The following CCDC57 variants were observed in gnomAD, a reference collection of about 807,000 sequenced individuals.
The protein encoded by CCDC57 is coiled-coil domain-containing protein 57.
A neutral mutation model predicts 118.9 loss-of-function variants in CCDC57; 118 were observed. The ratio of observed to expected loss-of-function variants is 0.99; its 90% CI spans 0.86 to 1.16. The LOEUF is 1.16. CCDC57 is among the 50% of genes most tolerant of loss of function. The probability of loss-of-function intolerance (pLI) is 0.00; values close to 1 mark genes in which losing one functional copy is unlikely to be tolerated. For missense variants in CCDC57, 1,300 were observed against 1,320.7 expected, an observed-to-expected ratio of 0.98 and a Z score of 0.24; for synonymous variants, 527 against 532.9, an observed-to-expected ratio of 0.99 and a Z score of 0.15.
chr17:82,197,470 G>A (rs1820699282), intron 4 of CCDC57, among the ~76,000 whole-genome samples: 1 of 152,200 alleles, frequency 6.6e-6, no homozygotes, highest in African/African-American at 2.4e-5. Context: ...GAAATTCGGT[G>A]ACTGCCACTT....
chr17:82,134,205 G>A lies in CCDC57; in HGVS notation c.2456-11C>T. On this transcript the variant is annotated splice_polypyrimidine_tract_variant and intron_variant, in intron 16 of 19. Transcript: ENST00000665763. ...GGTGCAACAGCCACCCTGGGAATGG[G>A]ATGGGGACAGAGTTTGTTCTCTGTG... 1.5e-6 allele frequency: 2 copies of A among 1,313,328 alleles called. No individual in the cohort carries two copies. Among genetic ancestry groups the A allele is most frequent in the Non-Finnish European group, 9.8e-7 (1 of 1,024,760 alleles). 81.4% of individuals were successfully genotyped at this position (1,313,328 alleles called of 1,614,324 possible).
intron 19 of CCDC57, 110 bp downstream of exon 18, chr17:82,127,578 GGATT>G: frequency 6.9e-7 from 1 of 1,459,312 alleles, no homozygotes. Flanking sequence ...CAAAGTGCAG[GGATT>G]TCAGGGTGCA....
At chr17:82,147,711 A>G (rs1322835810) in intron 16 of CCDC57, among the ~76,000 whole-genome samples, 11 of 84,992 alleles carry the variant, frequency 1.3e-4, no homozygotes, top group Non-Finnish European at 1.6e-4. Context: ...ATGGATGGAT[A>G]GATAGGTGGG....
chr17:82,125,942 T>A (rs1180843857), intron 19 of CCDC57, among the ~76,000 whole-genome samples: 1 of 152,034 alleles, frequency 6.6e-6, no homozygotes, highest in African/African-American at 2.4e-5. Flanking sequence ...GCGGGAAGTG[T>A]GAGCGATGGA....
chr17:82,170,774 A>C (rs1240981502), intron 13 of CCDC57, among the ~76,000 whole-genome samples: 1 of 152,208 alleles, frequency 6.6e-6, no homozygotes, highest in Non-Finnish European at 1.5e-5. Context: ...TCATACGCCA[A>C]TGCACACAGG....
At chr17:82,109,533 T>C (rs2035101192) in intron 19 of CCDC57, among the ~76,000 whole-genome samples, 1 of 152,228 alleles carries the variant, frequency 6.6e-6, no homozygotes. Context: ...AACTGACTAA[T>C]GAAAAAGAAT....
intron 9 of CCDC57, among the ~76,000 whole-genome samples, chr17:82,180,376 C>T (rs189446565): frequency 1.0e-4 from 16 of 152,382 alleles, no homozygotes; most frequent in African/African-American, 2.9e-4. Flanking sequence ...CCTGCCCAGG[C>T]CCTGGCCCCA....
chr17:82,191,148 C>T (rs1051790945), intron 7 of CCDC57, among the ~76,000 whole-genome samples: 4 of 151,908 alleles, frequency 2.6e-5, no homozygotes, highest in African/African-American at 7.3e-5. Flanking sequence ...GGTCAGGGTG[C>T]GGGGTGAAGG....
chr17:82,160,832 C>T lies in CCDC57; in HGVS notation c.2040+2368G>A, dbSNP rs1368599027. 5.1e-5 allele frequency among the ~76,000 whole-genome samples: 7 copies of T among 137,920 alleles called. 1 individual carries two copies. The South Asian group carries it at 9.4e-4, about 18-fold the overall frequency. 90.5% of individuals were successfully genotyped at this position (137,920 alleles called of 152,430 possible). A position where few individuals can be genotyped will look rare whatever the true frequency, so the allele number is the denominator to read the frequency against. On this transcript the variant is annotated intron_variant, in intron 14 of 19. Coordinates refer to ENST00000665763, the Ensembl canonical transcript of CCDC57. ...GAGGTTGCAGTCAGCCGAGATCACG[C>T]CATTGCACTCCAGCCTGGGCGACAC...
At chr17:82,145,142 G>A (rs559492217) in intron 16 of CCDC57, among the ~76,000 whole-genome samples, 36 of 148,330 alleles carry the variant, frequency 2.4e-4, no homozygotes, top group African/African-American at 8.4e-4. Flanking sequence ...TGCCTCAGCC[G>A]CCCGAGTAGC....
chr17:82,167,822 G>C (rs904019301), intron 13 of CCDC57, among the ~76,000 whole-genome samples: 5 of 152,176 alleles, frequency 3.3e-5, no homozygotes, highest in Non-Finnish European at 7.4e-5. Flanking sequence ...CGCCATGTTG[G>C]CCAGGCTGGC....
chr17:82,121,010 C>T lies in CCDC57; in HGVS notation c.2899+6682G>A, dbSNP rs912031258. The stretch of plus-strand genomic sequence containing the variant: ...GACCTAGTGATCCACCCACCTCGGC[C>T]TCCCAAAGTGCTGGGATTACAGGGG... On this transcript the variant is annotated intron_variant, in intron 19 of 19. Transcript: ENST00000665763. Among the ~76,000 whole-genome samples, 4 of 152,224 alleles carry T rather than the reference C, an allele frequency of 2.6e-5. No homozygotes were observed. The East Asian group carries it at 7.7e-4, about 29-fold the overall frequency.
chr17:82,148,413 A>T (rs193031201), intron 16 of CCDC57, among the ~76,000 whole-genome samples: 1 of 19,006 alleles, frequency 5.3e-5, no homozygotes, highest in Non-Finnish European at 9.5e-5. Flanking sequence ...GGATGGATGG[A>T]TGGATAGGTG....
chr17:82,161,551 T>G (rs977637122), intron 14 of CCDC57, among the ~76,000 whole-genome samples: 5 of 152,186 alleles, frequency 3.3e-5, no homozygotes, highest in Non-Finnish European at 7.3e-5. Flanking sequence ...CTCCATACAA[T>G]GGAATATGTC....
intron 14 of CCDC57, among the ~76,000 whole-genome samples, chr17:82,161,692 C>T (rs1188350003): frequency 6.6e-6 from 1 of 152,052 alleles, no homozygotes; most frequent in Non-Finnish European, 1.5e-5. Flanking sequence ...CTACAGTAGA[C>T]AAATTGATTG....
chr17:82,206,190 G>T (rs1383577961), intron 2 of CCDC57, among the ~76,000 whole-genome samples: 6 of 152,254 alleles, frequency 3.9e-5, no homozygotes, highest in African/African-American at 1.2e-4. Flanking sequence ...CTCCCAGCAG[G>T]GGCTGGAACA....
rs200031813 is a variant in CCDC57, at chr17:82,123,982, C to CAA, written c.2899+3708_2899+3709dup. Among the ~76,000 whole-genome samples, 499 of 64,270 alleles carry CAA rather than the reference C, an allele frequency of 7.8e-3. 1 individual carries two copies. The highest frequency in any genetic ancestry group is 0.016 in the African/African-American group (265 of 16,362). The allele number at this position is 64,270 out of a possible 152,430, so 42.2% of individuals were successfully genotyped here. ...ACTATCCTTGTAAATCATCCAAAAG[C>CAA]AAAAAAAAAAAAAAAAAAAAAAAGA... On this transcript the variant is annotated intron_variant, in intron 19 of 19. Coordinates refer to ENST00000665763, the Ensembl canonical transcript of CCDC57.
At chr17:82,139,424 C>T (rs529352205) in intron 16 of CCDC57, among the ~76,000 whole-genome samples, 8 of 152,026 alleles carry the variant, frequency 5.3e-5, no homozygotes, top group South Asian at 4.2e-4. Context: ...GGTGGGATCT[C>T]GGCTCACTGC....
At chr17:82,170,134 T>C (rs2044501865) in intron 13 of CCDC57, among the ~76,000 whole-genome samples, 1 of 152,164 alleles carries the variant, frequency 6.6e-6, no homozygotes, top group Non-Finnish European at 1.5e-5. Context: ...CGAACATGAC[T>C]GTATTTGGAG....
Sources: allele counts gnomAD v4.1 joint callset (sites outside exome capture counted in the v4.1 genomes callset), GRCh38; gene constraint gnomAD v4.1.1; transcripts MANE v1.5; gene names NCBI Gene and HGNC (gene_info 2026-07-23, HGNC 2026-07-21).